The following EHMT1 variants were observed in gnomAD, a reference collection of about 807,000 sequenced individuals.
EHMT1 encodes histone-lysine N-methyltransferase EHMT1.
Under a neutral mutation model 147.2 loss-of-function variants are expected in EHMT1, and 15 were observed. That is an observed-to-expected ratio of 0.10 (90% CI 0.07 to 0.16). The LOEUF (loss-of-function observed/expected upper bound fraction) is 0.16, where lower values mean the gene tolerates loss of function less well. Among genes scored for constraint, EHMT1 ranks in the 10% least tolerant of loss-of-function variants. EHMT1 has a pLI of 1.00. For synonymous variants in EHMT1, 795 were observed against 709.6 expected, an observed-to-expected ratio of 1.12 and a Z score of -1.91; for missense variants, 1,587 against 1,772.4, an observed-to-expected ratio of 0.90 and a Z score of 1.88.
In EHMT1 at chr9:137,716,614, C is replaced by G. The variant is rs969044080; in HGVS notation, c.86-12C>G. 2.6e-6 allele frequency: 4 copies of G among 1,544,686 alleles called. No homozygotes were observed. Among genetic ancestry groups the G allele is most frequent in the African/African-American group, 2.7e-5 (2 of 72,728 alleles). On this transcript the variant is annotated splice_polypyrimidine_tract_variant and intron_variant, in intron 2 of 26. Coordinates refer to ENST00000460843, the MANE Select transcript of EHMT1 (RefSeq NM_024757.5). ...GGCCTGCAGTCAGTGACACTCGTTT[C>G]TTTGTTGGCAGAGACACCTATGGCT...
intron 4 of EHMT1, among the ~76,000 whole-genome samples, chr9:137,741,099 C>T (rs1948030557): frequency 6.6e-6 from 1 of 152,088 alleles, no homozygotes; most frequent in Non-Finnish European, 1.5e-5. Flanking sequence ...GCCTCAGCCT[C>T]CCGAGTAGCT....
chr9:137,737,854 C>CA (rs537049166), intron 4 of EHMT1, among the ~76,000 whole-genome samples: 25 of 152,046 alleles, frequency 1.6e-4, no homozygotes, highest in South Asian at 1.5e-3. Flanking sequence ...CCAAAATATA[C>CA]AAAAAAAATC....
rs1024787822 is a variant in EHMT1 at position 137,811,763 on chromosome 9, C to T, written c.2867+148C>T. The T allele has an allele frequency of 2.8e-6, 3 of 1,088,128 alleles. No individual in the cohort carries two copies. The South Asian group carries it at 4.0e-5, about 14-fold the overall frequency. The allele number at this position is 1,088,128 out of a possible 1,614,324, so 67.4% of individuals were successfully genotyped here. A position where few individuals can be genotyped will look rare whatever the true frequency, so the allele number is the denominator to read the frequency against. ...GTGTGGAAGTCCATCCTTGGTGTTC[C>T]ACACGCAGAGAAGTGTCTTTCCCAG... On this transcript the variant is annotated intron_variant, in intron 19 of 26. Transcript: ENST00000460843.
chr9:137,702,102 G>T (rs192802524), intron 1 of EHMT1, among the ~76,000 whole-genome samples: 58 of 152,116 alleles, frequency 3.8e-4, no homozygotes, highest in Admixed American at 2.2e-3. Context: ...CCTAATTTTT[G>T]TATTTTTAAT....
chr9:137,657,875 A>G (rs185900222), intron 1 of EHMT1, among the ~76,000 whole-genome samples: 24 of 150,526 alleles, frequency 1.6e-4, no homozygotes, highest in Admixed American at 1.6e-3. Context: ...TACTGCTTCT[A>G]CAAGTGATAG....
At chr9:137,692,661 C>T (rs1022909074) in intron 1 of EHMT1, among the ~76,000 whole-genome samples, 2 of 152,170 alleles carry the variant, frequency 1.3e-5, no homozygotes, top group Non-Finnish European at 2.9e-5. Context: ...ACGTTGATAT[C>T]TTCCATGTGT....
intron 2 of EHMT1, among the ~76,000 whole-genome samples, chr9:137,716,373 TG>T (rs368515787): frequency 1.0e-4 from 10 of 95,350 alleles, no homozygotes; most frequent in African/African-American, 3.6e-4. Context: ...GGTGTCATGG[TG>T]GGGGAGGAAG....
At chr9:137,763,203 G>A in intron 10 of EHMT1, 1 of 414,920 alleles carries the variant, frequency 2.4e-6, no homozygotes, top group Non-Finnish European at 4.4e-6. Flanking sequence ...CTGCAGGGCA[G>A]GCCCCGCAAG....
intron 1 of EHMT1, among the ~76,000 whole-genome samples, chr9:137,652,878 A>T (rs1335479804): frequency 6.6e-6 from 1 of 151,562 alleles, no homozygotes; most frequent in Non-Finnish European, 1.5e-5. Flanking sequence ...GACACCTGCC[A>T]CCACACCTGG....
intron 18 of EHMT1, among the ~76,000 whole-genome samples, chr9:137,805,034 GTC>G (rs1953817254): frequency 6.6e-6 from 1 of 152,054 alleles, no homozygotes; most frequent in African/African-American, 2.4e-5. Flanking sequence ...TCATCTGCAT[GTC>G]TGTCAGTCGT....
Position 137,775,721 on chromosome 9 carries a change from G to C in EHMT1, c.1791+469G>C, listed in dbSNP as rs1192692948. 1.3e-5 allele frequency among the ~76,000 whole-genome samples: 2 copies of C among 152,062 alleles called. No homozygotes were observed. Among genetic ancestry groups the C allele is most frequent in the African/African-American group, 2.4e-5 (1 of 41,412 alleles). On this transcript the variant is annotated intron_variant, in intron 11 of 26. Transcript: ENST00000460843. This position sits in a 1 kb window ranked among gnomAD's most constrained non-coding sequence, Gnocchi z 6.1. ...TGTCCAGAGCACACAGCTCCTGGGA[G>C]AGGTGGCAGCACCTTGCTGTGCCCT...
chr9:137,706,201 T>C (rs1220295379), intron 1 of EHMT1, among the ~76,000 whole-genome samples: 2 of 152,234 alleles, frequency 1.3e-5, no homozygotes, highest in African/African-American at 4.8e-5. Flanking sequence ...GAGTTGTAGG[T>C]TGGGGCTCCT....
At chr9:137,760,519 G>A (rs775880578) in intron 9 of EHMT1, among the ~76,000 whole-genome samples, 18 of 152,190 alleles carry the variant, frequency 1.2e-4, no homozygotes, top group Non-Finnish European at 1.8e-4. Context: ...ATCCAGAGGC[G>A]AGGCTGGGAC....
intron 1 of EHMT1, among the ~76,000 whole-genome samples, chr9:137,704,177 A>G (rs1028747048): frequency 6.6e-6 from 1 of 152,166 alleles, no homozygotes; most frequent in South Asian, 2.1e-4. Context: ...CCCTCCCCCA[A>G]TATTCGGGAT....
At chr9:137,814,323 C>A in intron 21 of EHMT1, 108 bp from the exon 22 acceptor site, 1 of 1,213,024 alleles carries the variant, frequency 8.2e-7, no homozygotes, top group Non-Finnish European at 1.2e-6. Context: ...CTTTGAGAAG[C>A]ACTTACCAGA....
intron 25 of EHMT1, among the ~76,000 whole-genome samples, chr9:137,818,765 T>G (rs71485031): frequency 8.2e-5 from 2 of 24,480 alleles, no homozygotes; most frequent in African/African-American, 5.1e-4. Flanking sequence ...GTACCGAGAC[T>G]GTAGAGAGGC....
rs555110093 is a variant in EHMT1, at chr9:137,667,865, G to T, written c.22-43102G>T. ...CTTATAGGAATTTGTCTTTTTGAGA[G>T]TGTATGCTGCTTATTTGGTTTCGTG... is the stretch of plus-strand genomic sequence containing the variant. On this transcript the variant is annotated intron_variant, in intron 1 of 26. Transcript: ENST00000460843. 9.2e-5 allele frequency among the ~76,000 whole-genome samples: 14 copies of T among 152,238 alleles called. No homozygotes were observed. The South Asian group carries it at 2.7e-3, about 29-fold the overall frequency.
chr9:137,670,956 T>C (rs965780900), intron 1 of EHMT1, among the ~76,000 whole-genome samples: 2 of 152,206 alleles, frequency 1.3e-5, no homozygotes, highest in Non-Finnish European at 1.5e-5. Flanking sequence ...CCTGTGGGTC[T>C]TGGCTTGGCT....
At chr9:137,827,287 G>A (rs1042632397) in intron 25 of EHMT1, among the ~76,000 whole-genome samples, 2 of 149,316 alleles carry the variant, frequency 1.3e-5, no homozygotes, top group African/African-American at 4.9e-5. Flanking sequence ...CCACCCACCC[G>A]AGGCAGCAGC....
Sources: gnomAD v4.1 joint callset for allele counts (sites outside exome capture counted in the v4.1 genomes callset) on GRCh38, gnomAD v4.1.1 for gene constraint, Gnocchi (gnomAD v3.1) non-coding constraint, MANE v1.5 for transcripts, NCBI Gene and HGNC (gene_info 2026-07-23, HGNC 2026-07-21) for gene names.